The following LSAMP variants were observed in gnomAD, a reference collection of about 807,000 sequenced individuals.
LSAMP encodes limbic system associated membrane protein.
In LSAMP, 7 loss-of-function variants were observed where a neutral mutation model predicts 38.6. The ratio of observed to expected loss-of-function variants is 0.18; its 90% CI spans 0.10 to 0.34. The LOEUF is 0.34. Ranked by LOEUF, LSAMP falls within the 10% of genes least tolerant of loss-of-function variation. The pLI is 1.00. For missense variants in LSAMP, 313 were observed against 420.0 expected, an observed-to-expected ratio of 0.75 and a Z score of 2.23; for synonymous variants, 154 against 166.8, an observed-to-expected ratio of 0.92 and a Z score of 0.59.
chr3:115,978,693 GA>G (rs371411274), intron 3 of LSAMP, among the ~76,000 whole-genome samples: 54 of 141,044 alleles, frequency 3.8e-4, no homozygotes, highest in Middle Eastern at 3.6e-3. Flanking sequence ...AAGAATCAAT[GA>G]AAAAAAAAAA....
chr3:116,022,132 T>C lies in LSAMP; in HGVS notation c.389-2492A>G, dbSNP rs147329792. Among the ~76,000 whole-genome samples the C allele has an allele frequency of 3.0e-3, 457 of 152,304 alleles. 5 individuals are homozygous for C. Among genetic ancestry groups the C allele is most frequent in the African/African-American group, 0.01 (435 of 41,568 alleles). On this transcript the variant is annotated intron_variant, in intron 2 of 6. Transcript: ENST00000490035. Reference sequence around the variant, plus strand: ...TTTCAATGGGTCTTACTCCATCATTTGTTTTCCTACTTTATTTTGTACTAG... The same window carrying C: ...TTTCAATGGGTCTTACTCCATCATTCGTTTTCCTACTTTATTTTGTACTAG...
intron 3 of LSAMP, among the ~76,000 whole-genome samples, chr3:115,974,449 G>A (rs560506493): frequency 6.6e-6 from 1 of 152,244 alleles, no homozygotes; most frequent in African/African-American, 2.4e-5. Flanking sequence ...AATCAATCGA[G>A]CTGTATTGAG....
At chr3:116,411,362 A>G (rs2048974535) in intron 1 of LSAMP, among the ~76,000 whole-genome samples, 1 of 152,022 alleles carries the variant, frequency 6.6e-6, no homozygotes, top group Non-Finnish European at 1.5e-5. Flanking sequence ...AATAGCAAAG[A>G]CTTGGAACCA....
chr3:116,036,485 G>C (rs1321158607), intron 2 of LSAMP, among the ~76,000 whole-genome samples: 1 of 152,100 alleles, frequency 6.6e-6, no homozygotes, highest in Non-Finnish European at 1.5e-5. Flanking sequence ...TGATGTCTTT[G>C]ACTAATTCTG....
intron 3 of LSAMP, among the ~76,000 whole-genome samples, chr3:115,971,631 A>T (rs925737178): frequency 2.6e-5 from 4 of 152,176 alleles, no homozygotes; most frequent in African/African-American, 9.6e-5. Flanking sequence ...AGTAAAAATC[A>T]TAAAGACTCC....
intron 1 of LSAMP, among the ~76,000 whole-genome samples, chr3:116,406,665 T>G (rs1026661267): frequency 1.3e-5 from 2 of 152,024 alleles, no homozygotes; most frequent in Admixed American, 6.6e-5. Flanking sequence ...AAATGGCAAA[T>G]TTGGAACAGC....
chr3:116,320,427 GTAA>G (rs963680967), intron 1 of LSAMP, among the ~76,000 whole-genome samples: 4 of 151,146 alleles, frequency 2.6e-5, no homozygotes, highest in South Asian at 2.1e-4. Context: ...AATAATAATA[GTAA>G]TAATAATAAT....
At chr3:115,893,839 C>A (rs1016935131) in intron 3 of LSAMP, among the ~76,000 whole-genome samples, 3 of 151,886 alleles carry the variant, frequency 2.0e-5, no homozygotes, top group Non-Finnish European at 2.9e-5. Flanking sequence ...AGAGGACTTA[C>A]AAATTATAGA....
intron 3 of LSAMP, among the ~76,000 whole-genome samples, chr3:115,892,580 A>T (rs913485191): frequency 6.6e-6 from 1 of 151,918 alleles, no homozygotes; most frequent in African/African-American, 2.4e-5. Flanking sequence ...AAGAAAGCAT[A>T]AGGGGGGTTT....
At chr3:116,011,748 T>C (rs927655217) in intron 3 of LSAMP, among the ~76,000 whole-genome samples, 2 of 152,168 alleles carry the variant, frequency 1.3e-5, no homozygotes, top group Non-Finnish European at 2.9e-5. Context: ...ATGTGTGAAA[T>C]TAATCATTGC....
At chr3:116,158,318 C>T (rs1024172148) in intron 1 of LSAMP, among the ~76,000 whole-genome samples, 2 of 152,144 alleles carry the variant, frequency 1.3e-5, no homozygotes, top group Non-Finnish European at 2.9e-5. Context: ...CCTCTCTCAT[C>T]ACTCCTACTC....
chr3:116,337,800 A>G (rs979672050), intron 1 of LSAMP, among the ~76,000 whole-genome samples: 1 of 152,044 alleles, frequency 6.6e-6, no homozygotes, highest in Non-Finnish European at 1.5e-5. Flanking sequence ...TCAAGTATGC[A>G]ATGGAGTCAG....
chr3:116,069,426 T>A (rs1707546424), intron 2 of LSAMP, among the ~76,000 whole-genome samples: 1 of 152,206 alleles, frequency 6.6e-6, no homozygotes, highest in Non-Finnish European at 1.5e-5. Flanking sequence ...AGGCTATCAC[T>A]ATTGTTAGCA....
intron 3 of LSAMP, among the ~76,000 whole-genome samples, chr3:116,007,339 G>T (rs959883724): frequency 5.9e-5 from 9 of 152,006 alleles, no homozygotes; most frequent in African/African-American, 2.2e-4. Context: ...TAAGTGACAT[G>T]GGGTAATTTT....
intron 1 of LSAMP, among the ~76,000 whole-genome samples, chr3:116,389,813 A>G (rs1430619808): frequency 6.6e-6 from 1 of 152,160 alleles, no homozygotes; most frequent in Non-Finnish European, 1.5e-5. Context: ...ACTATCACTA[A>G]TTCTGTGAAA....
At chr3:116,307,245 T>A (rs2047495871) in intron 1 of LSAMP, among the ~76,000 whole-genome samples, 1 of 152,044 alleles carries the variant, frequency 6.6e-6, no homozygotes, top group African/African-American at 2.4e-5. Flanking sequence ...CTATAATAAG[T>A]AATTTAGAAG....
At chr3:115,939,585 T>TTTCTTTCTTTCTTTCTTTC (rs58450242) in intron 3 of LSAMP, among the ~76,000 whole-genome samples, 2 of 150,210 alleles carry the variant, frequency 1.3e-5, no homozygotes, top group Admixed American at 6.7e-5. Context: ...TCTTTCTTTC[T>TTTCTTTCTTTCTTTCTTTC]GTTAAGAGAC....
At chr3:115,885,707 A>G (rs1936435597) in intron 3 of LSAMP, among the ~76,000 whole-genome samples, 1 of 150,416 alleles carries the variant, frequency 6.6e-6, no homozygotes, top group South Asian at 2.1e-4. Context: ...AAGCATTTAG[A>G]TGCTTCTTAT....
intron 1 of LSAMP, among the ~76,000 whole-genome samples, chr3:116,216,137 C>T (rs1208549711): frequency 6.6e-6 from 1 of 152,160 alleles, no homozygotes; most frequent in Admixed American, 6.5e-5. Context: ...ATGAAAGTGA[C>T]AGAAAACTAA....
Sources: gnomAD v4.1 joint callset for allele counts (sites outside exome capture counted in the v4.1 genomes callset) on GRCh38, gnomAD v4.1.1 for gene constraint, MANE v1.5 for transcripts, NCBI Gene and HGNC (gene_info 2026-07-23, HGNC 2026-07-21) for gene names.